RFTN1: variants seen among roughly 807,000 people sequenced by gnomAD.
RFTN1 encodes the protein raftlin.
In RFTN1, 26 loss-of-function variants were observed where a neutral mutation model predicts 46.5. That is an observed-to-expected ratio of 0.56 (90% CI 0.41 to 0.78). RFTN1 has a LOEUF of 0.78. RFTN1 is among the 30% of genes least tolerant of loss of function. The pLI is 0.00. For synonymous variants in RFTN1, 261 were observed against 284.2 expected (o/e 0.92, Z 0.82); for missense variants, 693 against 718.7 (o/e 0.96, Z 0.41).
intron 1 of RFTN1, among the ~76,000 whole-genome samples, chr3:16,502,621 T>C (rs887663158): frequency 1.3e-5 from 2 of 152,208 alleles, no homozygotes; most frequent in African/African-American, 4.8e-5. Context: ...TCTCTCGTTC[T>C]GGGGGAAGCC....
At chr3:16,412,004 C>G (rs1342434382) in intron 3 of RFTN1, among the ~76,000 whole-genome samples, 1 of 152,210 alleles carries the variant, frequency 6.6e-6, no homozygotes, top group East Asian at 1.9e-4. Flanking sequence ...AGTACCATCT[C>G]TGGTTCTGGA....
intron 4 of RFTN1, among the ~76,000 whole-genome samples, chr3:16,379,236 C>T (rs754331110): frequency 5.3e-5 from 8 of 152,202 alleles, no homozygotes; most frequent in Admixed American, 3.9e-4. Flanking sequence ...CAGCTCTCCT[C>T]GGAAGAACCA....
At chr3:16,454,090 A>C (rs1203337910) in intron 2 of RFTN1, among the ~76,000 whole-genome samples, 1 of 152,204 alleles carries the variant, frequency 6.6e-6, no homozygotes, top group Non-Finnish European at 1.5e-5. Flanking sequence ...GAGCTTCCCT[A>C]GATGACAAGG....
intron 2 of RFTN1, among the ~76,000 whole-genome samples, chr3:16,488,887 C>G (rs367882117): frequency 5.9e-5 from 9 of 152,288 alleles, no homozygotes; most frequent in African/African-American, 1.9e-4. Flanking sequence ...ATGTTCATAG[C>G]AACTTAACCT....
chr3:16,386,103 C>A (rs1014782254), intron 4 of RFTN1, among the ~76,000 whole-genome samples: 51 of 152,204 alleles, frequency 3.4e-4, no homozygotes, highest in African/African-American at 1.1e-3. Context: ...GCCAGCCTTC[C>A]CAGTCTGTTA....
rs1180746388 is a variant in RFTN1 at position 16,342,398 on chromosome 3, C to T, written c.1147-15522G>A. 4.6e-5 allele frequency among the ~76,000 whole-genome samples: 7 copies of T among 152,190 alleles called. No individual in the cohort carries two copies. The highest frequency in any genetic ancestry group is 3.9e-4 in the Admixed American group (6 of 15,278). ...TTCCTTTTTATTGCAAAATAATATT[C>T]CATCATATGGATATACCATAGTTTA... is the stretch of plus-strand genomic sequence containing the variant. On this transcript the variant is annotated intron_variant, in intron 7 of 9. Coordinates refer to ENST00000334133, the MANE Select transcript of RFTN1 (RefSeq NM_015150.2). This position sits in a 1 kb window ranked among gnomAD's most constrained non-coding sequence, Gnocchi z 4.0.
At chr3:16,330,335 C>T (rs759597939) in intron 7 of RFTN1, among the ~76,000 whole-genome samples, 5 of 152,246 alleles carry the variant, frequency 3.3e-5, no homozygotes, top group East Asian at 1.9e-4. Context: ...TATCACAGCC[C>T]GTTTGCATAT....
At chr3:16,482,755 C>T in intron 2 of RFTN1, 6 of 1,535,050 alleles carry the variant, frequency 3.9e-6, no homozygotes, top group Non-Finnish European at 5.2e-6. Flanking sequence ...CCAGCAGCAT[C>T]CAAGTCCACT....
Position 16,509,087 on chromosome 3 carries a change from C to G in RFTN1, c.-9+4355G>C, listed in dbSNP as rs77831087. On this transcript the variant is annotated intron_variant, in intron 1 of 9. Transcript: ENST00000334133. This position sits in a 1 kb window ranked among gnomAD's most constrained non-coding sequence, Gnocchi z 4.9. Reference sequence around the variant, plus strand: ...AGCTGGCAACGTCTTTCTGTTCCTTCAATAAAATTGTAATCCTAATCAACC... The same window carrying G: ...AGCTGGCAACGTCTTTCTGTTCCTTGAATAAAATTGTAATCCTAATCAACC... Among the ~76,000 whole-genome samples the G allele has an allele frequency of 0.027, 4,131 of 152,232 alleles. 100 individuals are homozygous for G. Among genetic ancestry groups the G allele is most frequent in the East Asian group, 0.079 (408 of 5,186 alleles).
intron 5 of RFTN1, among the ~76,000 whole-genome samples, chr3:16,373,992 G>A (rs776529397): frequency 7.2e-5 from 11 of 152,170 alleles, no homozygotes; most frequent in South Asian, 2.1e-4. Flanking sequence ...AGTGAGGCCC[G>A]CTTGCCAGGG....
intron 1 of RFTN1, among the ~76,000 whole-genome samples, chr3:16,501,230 T>C (rs1461840254): frequency 6.6e-6 from 1 of 152,222 alleles, no homozygotes; most frequent in Non-Finnish European, 1.5e-5. Context: ...CACAATGTCC[T>C]GTGTCATTTT....
Position 16,474,659 on chromosome 3 carries a change from T to C in RFTN1, c.145+19066A>G, listed in dbSNP as rs577469249. ...CAATTTTTAAACCACTGATTCACCA[T>C]GCAATGCAGTGTTAAAGTCAAAAGA... On this transcript the variant is annotated intron_variant, in intron 2 of 9. Coordinates refer to ENST00000334133, the MANE Select transcript of RFTN1 (RefSeq NM_015150.2). This position sits in a 1 kb window ranked among gnomAD's most constrained non-coding sequence, Gnocchi z 5.5. 4.4e-4 allele frequency among the ~76,000 whole-genome samples: 67 copies of C among 152,260 alleles called. No individual in the cohort carries two copies. Among genetic ancestry groups the C allele is most frequent in the Non-Finnish European group, 7.5e-4 (51 of 68,044 alleles).
chr3:16,372,301 C>G (rs1224664659), intron 5 of RFTN1, among the ~76,000 whole-genome samples: 1 of 152,168 alleles, frequency 6.6e-6, no homozygotes, highest in East Asian at 1.9e-4. Context: ...GTAAAACACA[C>G]TTCAGATTCA....
intron 6 of RFTN1, among the ~76,000 whole-genome samples, chr3:16,358,489 G>A (rs1276303183): frequency 6.6e-6 from 1 of 151,354 alleles, no homozygotes; most frequent in Non-Finnish European, 1.5e-5. Flanking sequence ...CCAGATCTGA[G>A]CTTGTCAGAT....
At position 16,384,934 on chromosome 3, in the gene RFTN1, A is replaced by G. The variant is rs1484757917; in HGVS notation, c.442-6832T>C. 6.6e-6 allele frequency among the ~76,000 whole-genome samples: 1 copy of G among 152,174 alleles called. No individual in the cohort carries two copies. The highest frequency in any genetic ancestry group is 2.4e-5 in the African/African-American group (1 of 41,438). ...TGCTATAGAGCATAATAAATCACAT[A>G]AAATACTGAATAATAGAGTTTTTGA... On this transcript the variant is annotated intron_variant, in intron 4 of 9. Transcript: ENST00000334133. The surrounding 1 kb of genome is among the most constrained non-coding windows in gnomAD (Gnocchi z 4.7).
intron 4 of RFTN1, among the ~76,000 whole-genome samples, chr3:16,397,397 G>A (rs905828951): frequency 6.6e-6 from 1 of 152,188 alleles, no homozygotes; most frequent in Non-Finnish European, 1.5e-5. Context: ...AGATATGCAG[G>A]ATGAATAAGT....
At chr3:16,318,878 A>G (rs2068727460) in intron 9 of RFTN1, among the ~76,000 whole-genome samples, 1 of 152,164 alleles carries the variant, frequency 6.6e-6, no homozygotes, top group Admixed American at 6.5e-5. Context: ...AACTGTGAGG[A>G]TCCCAATAAT....
At position 16,316,742 on chromosome 3, in the gene RFTN1, C is replaced by G; in HGVS notation, c.*86G>C. 2.0e-6 allele frequency: 3 copies of G among 1,532,974 alleles called. No individual in the cohort carries two copies. Among genetic ancestry groups the G allele is most frequent in the South Asian group, 1.1e-5 (1 of 88,432 alleles). The allele number at this position is 1,532,974 out of a possible 1,614,324, so 95.0% of individuals were successfully genotyped here. A position where few individuals can be genotyped will look rare whatever the true frequency, so the allele number is the denominator to read the frequency against. On this transcript the variant is annotated 3_prime_UTR_variant, in exon 10 of 10. Transcript: ENST00000334133. This position sits in a 1 kb window ranked among gnomAD's most constrained non-coding sequence, Gnocchi z 4.5. ...GCCAAAGGGTAGGTAACACACAACACCAGGGAAACCAGCCCCCAAACCAGC... is the reference window on the plus strand; with the variant it reads ...GCCAAAGGGTAGGTAACACACAACAGCAGGGAAACCAGCCCCCAAACCAGC...
At chr3:16,386,871 T>C (rs1448316376) in intron 4 of RFTN1, among the ~76,000 whole-genome samples, 16 of 152,164 alleles carry the variant, frequency 1.1e-4, no homozygotes, top group Admixed American at 9.8e-4. Flanking sequence ...TGGGAAAGGA[T>C]GTGAGAAGTC....
Sources: gnomAD v4.1 joint callset for allele counts (sites outside exome capture counted in the v4.1 genomes callset) on GRCh38, gnomAD v4.1.1 for gene constraint, Gnocchi (gnomAD v3.1) non-coding constraint, MANE v1.5 for transcripts, NCBI Gene and HGNC (gene_info 2026-07-23, HGNC 2026-07-21) for gene names.